The following RICTOR variants were observed in gnomAD, a reference collection of about 807,000 sequenced individuals.
RICTOR encodes the protein rapamycin-insensitive companion of mTOR.
A neutral mutation model predicts 214.9 loss-of-function variants in RICTOR; 49 were observed. The ratio of observed to expected loss-of-function variants is 0.23; its 90% confidence interval spans 0.18 to 0.29. The LOEUF (loss-of-function observed/expected upper bound fraction) is 0.29, where lower values mean the gene tolerates loss of function less well. Among genes scored for constraint, RICTOR ranks in the 10% least tolerant of loss-of-function variants. RICTOR has a pLI of 1.00. For missense variants in RICTOR, 1,625 were observed against 2,047.0 expected, an observed-to-expected ratio of 0.79 and a Z score of 3.98; for synonymous variants, 717 against 711.3, an observed-to-expected ratio of 1.01 and a Z score of -0.13.
At chr5:38,953,685 GTAAAATT>G (rs1748992807) in intron 27 of RICTOR, 132 bp from the exon 28 acceptor site, 3 of 340,108 alleles carry the variant, frequency 8.8e-6, no homozygotes, top group South Asian at 1.2e-4. Context: ...ATAATTTTAT[GTAAAATT>G]TCTTGAGAAG....
intron 2 of RICTOR, among the ~76,000 whole-genome samples, chr5:39,064,515 T>C (rs16868058): frequency 0.045 from 6,833 of 152,252 alleles, 282 homozygotes; most frequent in African/African-American, 0.1. Context: ...TTCATCTTTT[T>C]AAGGCAGGTA....
At chr5:39,013,226 TTATGAG>T (rs988270037) in intron 3 of RICTOR, among the ~76,000 whole-genome samples, 1 of 152,196 alleles carries the variant, frequency 6.6e-6, no homozygotes, top group African/African-American at 2.4e-5. Context: ...CACAATTATT[TTATGAG>T]TATAACACGT....
chr5:38,998,249 GT>G (rs893500747), intron 5 of RICTOR, among the ~76,000 whole-genome samples: 1 of 152,172 alleles, frequency 6.6e-6, no homozygotes, highest in Non-Finnish European at 1.5e-5. Flanking sequence ...CAACAATTGT[GT>G]TTTTTTGTTT....
At chr5:39,016,879 A>C (rs960291986) in intron 3 of RICTOR, among the ~76,000 whole-genome samples, 6 of 152,210 alleles carry the variant, frequency 3.9e-5, no homozygotes, top group Admixed American at 1.3e-4. Context: ...TCAAAACTTT[A>C]GTATGAAAAA....
intron 5 of RICTOR, among the ~76,000 whole-genome samples, chr5:38,998,935 G>T (rs754081260): frequency 1.3e-4 from 18 of 142,262 alleles, no homozygotes; most frequent in Non-Finnish European, 2.4e-4. Context: ...AGAATCACTT[G>T]AACCCAGAAG....
intron 5 of RICTOR, among the ~76,000 whole-genome samples, chr5:39,001,353 G>A (rs776509710): frequency 3.9e-5 from 6 of 151,958 alleles, no homozygotes; most frequent in Non-Finnish European, 2.9e-5. Context: ...TTCAATAAAA[G>A]GTGCTAATTT....
chr5:39,010,594 A>G (rs529956918), intron 3 of RICTOR, among the ~76,000 whole-genome samples: 1 of 152,340 alleles, frequency 6.6e-6, no homozygotes, highest in South Asian at 2.1e-4. Context: ...TGATAGTGAT[A>G]TGGACAATGA....
rs370057063 is a variant in RICTOR at position 38,959,308 on chromosome 5, A to T, written c.2065T>A (p.Cys689Ser). 1.1e-4 allele frequency: 170 copies of T among 1,560,762 alleles called. No homozygotes were observed. The highest frequency in any genetic ancestry group is 1.4e-4 in the Non-Finnish European group (165 of 1,144,710). ...CSVFQCLLNLCSLKNQDHLLK... is the reference protein window; with the variant it reads ...CSVFQCLLNLSSLKNQDHLLK... Reference sequence around the variant, plus strand: ...AAGTGATCTTGGTTTTTCAAGGAGCAAAGATTAAGGAGACTTAAAAGAAAA... The same window carrying T: ...AAGTGATCTTGGTTTTTCAAGGAGCTAAGATTAAGGAGACTTAAAAGAAAA... Residue 689 changes from cysteine to serine, a missense_variant, in exon 22 of 38, where the codon TGC becomes AGC. This residue lies in a region of RICTOR where 1,214 missense variants were observed against 1,470.5 expected (regional missense o/e 0.83). Transcript: ENST00000357387.
chr5:39,048,733 A>G (rs7719775), intron 2 of RICTOR, among the ~76,000 whole-genome samples: 94,595 of 151,982 alleles, frequency 0.62, 29,513 homozygotes, highest in African/African-American at 0.66. Context: ...TAAGGATGGT[A>G]TCTGGGACCT....
chr5:39,034,653 A>C (rs1756529910), intron 2 of RICTOR, among the ~76,000 whole-genome samples: 1 of 152,366 alleles, frequency 6.6e-6, no homozygotes, highest in Non-Finnish European at 1.5e-5. Context: ...AACAAACGGC[A>C]CACCAGGAGA....
At chr5:38,982,174 G>A (rs1579989221) in intron 7 of RICTOR, 138 bp from the exon 8 acceptor site, 9 of 603,996 alleles carry the variant, frequency 1.5e-5, no homozygotes, top group Non-Finnish European at 2.3e-5. Flanking sequence ...GTAGATAAAA[G>A]GACAAGTGGA....
chr5:38,986,912 C>T (rs1752212950), intron 7 of RICTOR, among the ~76,000 whole-genome samples: 2 of 152,092 alleles, frequency 1.3e-5, no homozygotes. Flanking sequence ...ACATAGTTTA[C>T]TGAGAGTTTT....
Position 38,968,737 on chromosome 5 carries a change from T to TA in RICTOR, c.973-708dup, listed in dbSNP as rs1157586174. 5.6e-3 allele frequency among the ~76,000 whole-genome samples: 731 copies of TA among 131,488 alleles called. 5 individuals carry two copies. Among genetic ancestry groups the TA allele is most frequent in the African/African-American group, 0.013 (478 of 35,736 alleles). The allele number at this position is 131,488 out of a possible 152,430, so 86.3% of individuals were successfully genotyped here. A position where few individuals can be genotyped will look rare whatever the true frequency, so the allele number is the denominator to read the frequency against. ...TGGGTGACAGCAAGACCCTGCCTCT[T>TA]AAAAAAAAAAAAAAAAAGTTAACTG... On this transcript the variant is annotated intron_variant, in intron 11 of 37. Transcript: ENST00000357387.
intron 16 of RICTOR, 69 bp downstream of exon 16, chr5:38,964,723 G>C: frequency 1.3e-6 from 1 of 780,210 alleles, no homozygotes; most frequent in South Asian, 2.1e-5. Context: ...TTTTTAAAAA[G>C]AAGAGACAAT....
At chr5:38,960,251 C>T in intron 20 of RICTOR, 147 bp downstream of exon 20, 5 of 834,712 alleles carry the variant, frequency 6.0e-6, no homozygotes, top group Non-Finnish European at 9.6e-6. Flanking sequence ...GGATTCAACT[C>T]TAGGTCTGGG....
chr5:39,012,755 G>A (rs1047970146), intron 3 of RICTOR, among the ~76,000 whole-genome samples: 4 of 152,014 alleles, frequency 2.6e-5, no homozygotes, highest in Admixed American at 1.3e-4. Context: ...AAGAATTAGC[G>A]TTTACAGTCA....
intron 3 of RICTOR, among the ~76,000 whole-genome samples, chr5:39,017,547 A>T (rs560218950): frequency 6.7e-6 from 1 of 148,550 alleles, no homozygotes; most frequent in Admixed American, 6.7e-5. Flanking sequence ...CTGTTTTTTA[A>T]AAAAAAAAAC....
intron 9 of RICTOR, among the ~76,000 whole-genome samples, chr5:38,977,592 CTTTTTT>C (rs34467191): frequency 2.4e-5 from 2 of 83,222 alleles, no homozygotes; most frequent in African/African-American, 4.7e-5. Flanking sequence ...TATGAAACCA[CTTTTTT>C]TTTTTTTTTT....
At chr5:38,957,430 G>A (rs1420851406) in intron 25 of RICTOR, among the ~76,000 whole-genome samples, 2 of 152,088 alleles carry the variant, frequency 1.3e-5, no homozygotes, top group Non-Finnish European at 2.9e-5. Context: ...AACGAATACA[G>A]TCAACAGTTC....
Sources: allele counts gnomAD v4.1 joint callset (sites outside exome capture counted in the v4.1 genomes callset), GRCh38; gene constraint gnomAD v4.1.1; regional missense constraint gnomAD v4.1.1; transcripts MANE v1.5; gene names NCBI Gene and HGNC (gene_info 2026-07-23, HGNC 2026-07-21).